The following TSPAN9 variants were observed in gnomAD, a reference collection of about 807,000 sequenced individuals.
TSPAN9 encodes the protein tetraspanin-9.
In TSPAN9, 16 loss-of-function variants were observed where a neutral mutation model predicts 31.0. The ratio of observed to expected loss-of-function variants is 0.52; its 90% CI spans 0.35 to 0.78. The LOEUF (loss-of-function observed/expected upper bound fraction) is 0.78, where lower values mean the gene tolerates loss of function less well. TSPAN9 is among the 30% of genes least tolerant of loss of function. The pLI is 0.01. For missense variants in TSPAN9, 272 were observed against 312.5 expected (o/e 0.87, Z 0.98); for synonymous variants, 145 against 121.6 (o/e 1.19, Z -1.27).
intron 3 of TSPAN9, 29 bp downstream of exon 3, chr12:3,201,285 G>T: frequency 6.3e-7 from 1 of 1,598,638 alleles, no homozygotes; most frequent in Non-Finnish European, 8.6e-7. Flanking sequence ...CTCTCCCTTC[G>T]CCCTCTTCTC....
intron 2 of TSPAN9, among the ~76,000 whole-genome samples, chr12:3,163,123 C>A (rs1033433873): frequency 1.3e-5 from 2 of 152,188 alleles, no homozygotes; most frequent in African/African-American, 4.8e-5. Context: ...CTGTGGAGTC[C>A]CCAGCATCTA....
intron 3 of TSPAN9, among the ~76,000 whole-genome samples, chr12:3,252,552 A>G (rs1025240352): frequency 1.3e-5 from 2 of 152,168 alleles, no homozygotes; most frequent in African/African-American, 4.8e-5. Context: ...CTCCTACTGT[A>G]CACATGCGGG....
At chr12:3,125,441 A>G (rs2098326914) in intron 2 of TSPAN9, among the ~76,000 whole-genome samples, 1 of 152,164 alleles carries the variant, frequency 6.6e-6, no homozygotes. Context: ...CCTCTAACAC[A>G]TTCTTCCCCC....
At chr12:3,148,243 T>A (rs1324509672) in intron 2 of TSPAN9, among the ~76,000 whole-genome samples, 2 of 152,210 alleles carry the variant, frequency 1.3e-5, no homozygotes, top group African/African-American at 4.8e-5. Context: ...GACCAGAATC[T>A]GAGAACTACC....
At chr12:3,282,108 T>C (rs1282606161) in intron 8 of TSPAN9, 6 of 635,554 alleles carry the variant, frequency 9.4e-6, no homozygotes, top group Non-Finnish European at 1.7e-5. Context: ...GCCCAAACCT[T>C]GAGCTCAGAG....
chr12:3,169,240 G>C (rs1026732013), intron 2 of TSPAN9, among the ~76,000 whole-genome samples: 30 of 152,278 alleles, frequency 2.0e-4, no homozygotes, highest in Non-Finnish European at 4.0e-4. Flanking sequence ...GGTGGGTGTG[G>C]GCAGGTTGAC....
intron 3 of TSPAN9, among the ~76,000 whole-genome samples, chr12:3,212,250 G>A (rs896651743): frequency 1.2e-4 from 19 of 152,088 alleles, no homozygotes; most frequent in Non-Finnish European, 2.8e-4. Context: ...GATTACAGGC[G>A]TGAGCCACCA....
chr12:3,097,128 C>G (rs2098309503), intron 2 of TSPAN9, among the ~76,000 whole-genome samples: 1 of 152,116 alleles, frequency 6.6e-6, no homozygotes, highest in African/African-American at 2.4e-5. Flanking sequence ...GGCTGGCTTT[C>G]CTTGGGTGTC....
chr12:3,238,577 C>T (rs376733605), intron 3 of TSPAN9, among the ~76,000 whole-genome samples: 54 of 152,342 alleles, frequency 3.5e-4, no homozygotes, highest in Non-Finnish European at 7.3e-5. Context: ...CTCACGGGAA[C>T]GGCCCTGGCT....
intron 2 of TSPAN9, among the ~76,000 whole-genome samples, chr12:3,179,374 T>C (rs2098357557): frequency 6.6e-6 from 1 of 152,182 alleles, no homozygotes; most frequent in Non-Finnish European, 1.5e-5. Context: ...TTAACAGCTC[T>C]GTCTTCTGCA....
chr12:3,109,268 C>CTGTG (rs1226380985), intron 2 of TSPAN9, among the ~76,000 whole-genome samples: 3,953 of 119,198 alleles, frequency 0.033, 66 homozygotes, highest in Middle Eastern at 0.063. Flanking sequence ...TTCATATAGT[C>CTGTG]TGTGTGTGTG....
intron 3 of TSPAN9, among the ~76,000 whole-genome samples, chr12:3,264,424 G>A (rs1862505878): frequency 6.6e-6 from 1 of 152,258 alleles, no homozygotes. Flanking sequence ...ACAGACGGCA[G>A]CAGCTCCCTG....
At chr12:3,100,714 G>C (rs1295918887) in intron 2 of TSPAN9, among the ~76,000 whole-genome samples, 2 of 152,114 alleles carry the variant, frequency 1.3e-5, no homozygotes, top group African/African-American at 2.4e-5. Flanking sequence ...TCTGCACTGG[G>C]GTGGGTGCCT....
At chr12:3,233,608 T>C (rs1448890246) in intron 3 of TSPAN9, among the ~76,000 whole-genome samples, 2 of 152,268 alleles carry the variant, frequency 1.3e-5, no homozygotes, top group African/African-American at 4.8e-5. Context: ...CATGTAATGT[T>C]TGTACTTGTA....
intron 2 of TSPAN9, among the ~76,000 whole-genome samples, chr12:3,136,340 G>A (rs1031248989): frequency 2.6e-5 from 4 of 152,196 alleles, no homozygotes; most frequent in African/African-American, 7.2e-5. Context: ...ACCACTCATC[G>A]TGGGCATTCT....
At chr12:3,158,676 C>T (rs536577583) in intron 2 of TSPAN9, among the ~76,000 whole-genome samples, 9 of 132,762 alleles carry the variant, frequency 6.8e-5, no homozygotes, top group Non-Finnish European at 1.4e-4. Flanking sequence ...GAGCCGAGAT[C>T]GTACCATTGC....
In TSPAN9 at chr12:3,278,507, G is replaced by A. The variant is rs759674038; in HGVS notation, c.150G>A (p.Ser50=). 28 of 1,614,038 alleles carry A rather than the reference G, an allele frequency of 1.7e-5. No homozygotes were observed. The highest frequency in any genetic ancestry group is 2.2e-5 in the Non-Finnish European group (26 of 1,180,026). The change falls in exon 4 of 9, where the codon TCG becomes TCA. Residue 50 remains serine (S), a synonymous_variant. Coordinates refer to ENST00000011898, the MANE Select transcript of TSPAN9 (RefSeq NM_006675.5). ...CCACCTTCTCCCCCAGCTTCCCTTC[G>A]TTGTCTGCAGCCAACCTGGTCATTG... is the stretch of plus-strand genomic sequence containing the variant. ...NFATFSPSFP[S]LSAANLVIAI...
intron 2 of TSPAN9, among the ~76,000 whole-genome samples, chr12:3,096,477 G>C (rs1314539539): frequency 6.6e-6 from 1 of 151,918 alleles, no homozygotes; most frequent in Non-Finnish European, 1.5e-5. Context: ...TCCATTCACT[G>C]GTGCTTTCCC....
intron 2 of TSPAN9, among the ~76,000 whole-genome samples, chr12:3,099,839 TC>T (rs1392304724): frequency 1.4e-5 from 2 of 139,334 alleles, no homozygotes; most frequent in African/African-American, 2.6e-5. Context: ...GTCTGTCCAC[TC>T]TTTTTTTTTT....
Sources: gnomAD v4.1 joint callset for allele counts (sites outside exome capture counted in the v4.1 genomes callset) on GRCh38, gnomAD v4.1.1 for gene constraint, MANE v1.5 for transcripts, NCBI Gene and HGNC (gene_info 2026-07-23, HGNC 2026-07-21) for gene names.